KIAA2012: variants seen among roughly 807,000 people sequenced by gnomAD.
The protein encoded by KIAA2012 is uncharacterized protein KIAA2012.
Under a neutral mutation model 150.6 loss-of-function variants are expected in KIAA2012, and 125 were observed. That is an observed-to-expected ratio of 0.83 (90% CI 0.72 to 0.96). The LOEUF is 0.96. Ranked by LOEUF, KIAA2012 falls within the 40% of genes least tolerant of loss-of-function variation. The probability of loss-of-function intolerance (pLI) is 0.00; values close to 1 mark genes in which losing one functional copy is unlikely to be tolerated. For synonymous variants in KIAA2012, 462 were observed against 504.7 expected, an observed-to-expected ratio of 0.92 and a Z score of 1.13; for missense variants, 1,219 against 1,354.9, an observed-to-expected ratio of 0.90 and a Z score of 1.57.
At chr2:202,079,065 T>C (rs1279093166) in intron 2 of KIAA2012, among the ~76,000 whole-genome samples, 6 of 152,146 alleles carry the variant, frequency 3.9e-5, no homozygotes, top group African/African-American at 1.4e-4. Context: ...GGAGTGGTGA[T>C]GCACGCCTGT....
intron 15 of KIAA2012, among the ~76,000 whole-genome samples, chr2:202,172,843 G>A (rs1037565534): frequency 6.6e-6 from 1 of 152,212 alleles, no homozygotes; most frequent in Non-Finnish European, 1.5e-5. Context: ...CCATGCAAAG[G>A]TCTGGGGCTC....
chr2:202,076,587 C>T (rs939745), intron 2 of KIAA2012, among the ~76,000 whole-genome samples: 123,884 of 152,190 alleles, frequency 0.81, 50,640 homozygotes, highest in African/African-American at 0.83. Flanking sequence ...TATTTAATCC[C>T]TACAAAGACC....
chr2:202,139,283 T>C (rs1282864982), intron 13 of KIAA2012, among the ~76,000 whole-genome samples: 1 of 151,756 alleles, frequency 6.6e-6, no homozygotes, highest in Admixed American at 6.6e-5. Flanking sequence ...AGGACATATG[T>C]TCACAAATAT....
chr2:202,196,222 T>C (rs1375963526), intron 21 of KIAA2012, among the ~76,000 whole-genome samples: 3 of 119,870 alleles, frequency 2.5e-5, no homozygotes, highest in Non-Finnish European at 4.9e-5. Context: ...TGAGACAGAG[T>C]CTCGCTCTGT....
At chr2:202,103,353 G>GT (rs1690101149) in intron 8 of KIAA2012, among the ~76,000 whole-genome samples, 1 of 152,174 alleles carries the variant, frequency 6.6e-6, no homozygotes, top group African/African-American at 2.4e-5. Flanking sequence ...AGCTGTGGAA[G>GT]AGAAAGGAAG....
chr2:202,190,360 C>T lies in KIAA2012; in HGVS notation c.2678C>T (p.Pro893Leu). 6.4e-7 allele frequency: 1 copy of T among 1,550,610 alleles called. No homozygotes were observed. Among genetic ancestry groups the T allele is most frequent in the Non-Finnish European group, 8.7e-7 (1 of 1,146,988 alleles). ...SFASDSFVED[P>L]WLSPKYDAQE... is the part of the protein sequence containing the mutation. ...GCCTCAGACTCCTTTGTAGAGGACC[C>T]TTGGCTTTCTCCCAAATATGATGCC... Residue 893 changes from proline to leucine, a missense_variant, in exon 19 of 24, where the codon CCT becomes CTT. Pro to Leu is a moderately conservative substitution (Grantham distance 98, BLOSUM62 -3). Coordinates refer to ENST00000498697, the MANE Select transcript of KIAA2012 (RefSeq NM_001277372.4).
chr2:202,199,696 C>A (rs1229669775), intron 22 of KIAA2012, among the ~76,000 whole-genome samples: 1 of 152,102 alleles, frequency 6.6e-6, no homozygotes, highest in Non-Finnish European at 1.5e-5. Context: ...CTGAAATATT[C>A]TTAACCCTAA....
rs61476031 is a variant in KIAA2012 at position 202,111,430 on chromosome 2, A to G, written c.1651+1641A>G. Among the ~76,000 whole-genome samples, 748 of 148,406 alleles carry G rather than the reference A, an allele frequency of 5.0e-3. 14 individuals are homozygous for G. The East Asian group carries it at 0.054, about 11-fold the overall frequency. On this transcript the variant is annotated intron_variant, in intron 10 of 23. Transcript: ENST00000498697. ...GAGGCTGAGGCAGGAAAATCACTTG[A>G]ACCTGGGAGGCAGAGGTTGCAGTGA...
intron 11 of KIAA2012, chr2:202,116,369 C>G (rs1690523505): frequency 6.6e-6 from 1 of 152,360 alleles, no homozygotes; most frequent in Non-Finnish European, 1.5e-5. Flanking sequence ...GTGGTGCAAT[C>G]ATGGCTCACT....
At chr2:202,142,950 G>C (rs1691221670) in intron 13 of KIAA2012, among the ~76,000 whole-genome samples, 1 of 151,012 alleles carries the variant, frequency 6.6e-6, no homozygotes, top group East Asian at 1.9e-4. Flanking sequence ...ATTGCAGGAT[G>C]TTAAGCAGTA....
At chr2:202,204,755 AAAAC>A (rs1216104466) in intron 23 of KIAA2012, among the ~76,000 whole-genome samples, 1 of 60,968 alleles carries the variant, frequency 1.6e-5, no homozygotes, top group African/African-American at 7.4e-5. Context: ...AAACAGAAAT[AAAAC>A]AGTCAAACAC....
chr2:202,158,021 G>GTC lies in KIAA2012; in HGVS notation c.2046+3219_2046+3220dup, dbSNP rs1691564593. Among the ~76,000 whole-genome samples the GTC allele has an allele frequency of 4.0e-5, 6 of 151,548 alleles. No homozygotes were observed. The South Asian group carries it at 1.3e-3, about 32-fold the overall frequency. On this transcript the variant is annotated intron_variant, in intron 14 of 23. Transcript: ENST00000498697. ...GCCAACATATTTTTATTTTTAGACA[G>GTC]TCTCTCTCTGTCACTCAGGCTGGAG...
chr2:202,203,124 A>C (rs1375548583), intron 23 of KIAA2012, among the ~76,000 whole-genome samples: 1 of 152,258 alleles, frequency 6.6e-6, no homozygotes, highest in Middle Eastern at 3.4e-3. Context: ...AGAACCACGT[A>C]AATCCAGAAG....
At chr2:202,182,310 C>T (rs532470620) in intron 15 of KIAA2012, among the ~76,000 whole-genome samples, 1 of 151,890 alleles carries the variant, frequency 6.6e-6, no homozygotes, top group South Asian at 2.1e-4. Flanking sequence ...GGGGTTTCTC[C>T]GTGTTGGTCA....
intron 2 of KIAA2012, among the ~76,000 whole-genome samples, chr2:202,086,781 C>G (rs1207279016): frequency 6.6e-6 from 1 of 152,146 alleles, no homozygotes; most frequent in East Asian, 1.9e-4. Flanking sequence ...AGAGCGCTTT[C>G]CCAGGCTTTC....
chr2:202,093,150 C>T lies in KIAA2012; in HGVS notation c.650C>T (p.Ser217Leu). Residue 217 changes from serine (S) to leucine (L), a missense_variant, in exon 4 of 24, where the codon TCA becomes TTA. Coordinates refer to ENST00000498697, the MANE Select transcript of KIAA2012 (RefSeq NM_001277372.4). ...PKYHLLPVFP[S>L]FWIQQGKSFE... ...TACCATCTCCTGCCTGTCTTCCCTTCATTTTGGATTCAACAAGGAAAATCT... is the reference window on the plus strand; with the variant it reads ...TACCATCTCCTGCCTGTCTTCCCTTTATTTTGGATTCAACAAGGAAAATCT... The T allele has an allele frequency of 1.9e-6, 3 of 1,551,232 alleles. No individual in the cohort carries two copies.
chr2:202,116,248 T>C (rs1435637311), intron 11 of KIAA2012: 1 of 152,162 alleles, frequency 6.6e-6, no homozygotes, highest in Admixed American at 6.5e-5. Context: ...TTTCAGAGTT[T>C]CTGTTTAGTA....
intron 17 of KIAA2012, among the ~76,000 whole-genome samples, chr2:202,187,771 G>A (rs1692258571): frequency 1.3e-5 from 2 of 152,196 alleles, no homozygotes; most frequent in South Asian, 4.1e-4. Context: ...AAATCATTCT[G>A]CAGTGAATAA....
rs975531854 is a variant in KIAA2012 at position 202,132,462 on chromosome 2, T to A, written c.1832-5970T>A. On this transcript the variant is annotated intron_variant, in intron 12 of 23. Coordinates refer to ENST00000498697, the MANE Select transcript of KIAA2012 (RefSeq NM_001277372.4). ...CAGGCAGATCACCTGAGGTCAGGAG[T>A]TTAAGACCAGCCTGGCCAACATGGC... Among the ~76,000 whole-genome samples the A allele has an allele frequency of 2.0e-5, 3 of 150,514 alleles. No homozygotes were observed. In the South Asian group the frequency reaches 6.3e-4, roughly 32 times the overall value.
Sources: allele counts gnomAD v4.1 joint callset (sites outside exome capture counted in the v4.1 genomes callset), GRCh38; gene constraint gnomAD v4.1.1; transcripts MANE v1.5; gene names NCBI Gene and HGNC (gene_info 2026-07-23, HGNC 2026-07-21).